ST8SIA4: variants seen among roughly 807,000 people sequenced by gnomAD.
The protein encoded by ST8SIA4 is ST8 alpha-N-acetyl-neuraminide alpha-2,8-sialyltransferase 4, also known as CMP-N-acetylneuraminate-poly-alpha-2,8-sialyltransferase.
Under a neutral mutation model 33.9 loss-of-function variants are expected in ST8SIA4, and 15 were observed. The observed-to-expected ratio is 0.44, with a 90% confidence interval of 0.30 to 0.68. ST8SIA4 has a LOEUF of 0.68. Ranked by LOEUF, ST8SIA4 falls within the 30% of genes least tolerant of loss-of-function variation. The pLI is 0.10. For missense variants in ST8SIA4, 321 were observed against 428.0 expected (o/e 0.75, Z 2.21); for synonymous variants, 171 against 151.2 (o/e 1.13, Z -0.96).
At chr5:100,895,256 A>G (rs1001215126) in intron 2 of ST8SIA4, among the ~76,000 whole-genome samples, 1 of 152,072 alleles carries the variant, frequency 6.6e-6, no homozygotes. Flanking sequence ...TCAGCACAAT[A>G]GAGTGTAATA....
At chr5:100,861,342 G>A (rs963473787) in intron 3 of ST8SIA4, among the ~76,000 whole-genome samples, 3 of 152,066 alleles carry the variant, frequency 2.0e-5, no homozygotes, top group African/African-American at 7.2e-5. Context: ...TAACATTACT[G>A]GCAAGGGTGG....
intron 4 of ST8SIA4, among the ~76,000 whole-genome samples, chr5:100,851,601 T>A (rs1378604863): frequency 6.6e-6 from 1 of 152,090 alleles, no homozygotes; most frequent in East Asian, 1.9e-4. Context: ...GTTGTAGAGC[T>A]ACTACAATAA....
chr5:100,816,539 C>A (rs1257807338), intron 4 of ST8SIA4: 1 of 525,710 alleles, frequency 1.9e-6, no homozygotes, highest in South Asian at 1.4e-5. Flanking sequence ...ATGACAAAAA[C>A]TGCAATTAAT....
At chr5:100,899,805 CAACTGT>C (rs1378823068) in intron 1 of ST8SIA4, among the ~76,000 whole-genome samples, 2 of 152,154 alleles carry the variant, frequency 1.3e-5, no homozygotes, top group African/African-American at 4.8e-5. Context: ...AGTCATAAGC[CAACTGT>C]GAGGTCTACT....
chr5:100,897,926 C>A (rs1752815868), intron 1 of ST8SIA4, among the ~76,000 whole-genome samples: 2 of 152,046 alleles, frequency 1.3e-5, no homozygotes, highest in African/African-American at 4.8e-5. Flanking sequence ...ATGATAATAG[C>A]TACTTATGAA....
At chr5:100,888,613 T>G (rs542163515) in intron 2 of ST8SIA4, among the ~76,000 whole-genome samples, 2 of 152,090 alleles carry the variant, frequency 1.3e-5, no homozygotes, top group South Asian at 4.1e-4. Flanking sequence ...CTCTTATTTT[T>G]TAAGCTCATC....
intron 3 of ST8SIA4, among the ~76,000 whole-genome samples, chr5:100,862,563 A>ATT (rs527553861): frequency 7.0e-6 from 1 of 143,538 alleles, no homozygotes; most frequent in Non-Finnish European, 1.5e-5. Flanking sequence ...CACCCCAGCC[A>ATT]TTTTTTTTTT....
At chr5:100,848,527 G>T (rs2112430500) in intron 4 of ST8SIA4, among the ~76,000 whole-genome samples, 1 of 149,836 alleles carries the variant, frequency 6.7e-6, no homozygotes, top group East Asian at 1.9e-4. Context: ...TAGAGACAGA[G>T]AAACAGCAAG....
At chr5:100,899,668 A>G (rs1172703335) in intron 1 of ST8SIA4, among the ~76,000 whole-genome samples, 1 of 152,236 alleles carries the variant, frequency 6.6e-6, no homozygotes, top group Non-Finnish European at 1.5e-5. Flanking sequence ...TTTATATGAC[A>G]TTAAAGTTTA....
intron 4 of ST8SIA4, among the ~76,000 whole-genome samples, chr5:100,828,073 A>T (rs1001371879): frequency 1.9e-4 from 29 of 152,186 alleles, no homozygotes; most frequent in African/African-American, 6.8e-4. Context: ...GTTCTGGGAC[A>T]TCTCACTAAT....
intron 1 of ST8SIA4, chr5:100,900,511 C>G (rs975329817): frequency 4.8e-5 from 22 of 456,072 alleles, no homozygotes; most frequent in African/African-American, 4.0e-4. Flanking sequence ...ACAAGCTTTT[C>G]CACGAACCTT....
At chr5:100,844,922 A>G (rs1457697661) in intron 4 of ST8SIA4, among the ~76,000 whole-genome samples, 1 of 152,078 alleles carries the variant, frequency 6.6e-6, no homozygotes, top group Non-Finnish European at 1.5e-5. Flanking sequence ...TCTCTTACCA[A>G]TAGGAATCTG....
chr5:100,865,457 G>T (rs1366718632), intron 3 of ST8SIA4, among the ~76,000 whole-genome samples: 2 of 151,988 alleles, frequency 1.3e-5, no homozygotes, highest in Non-Finnish European at 2.9e-5. Flanking sequence ...CTTCTTGCAG[G>T]AGATCAACTA....
chr5:100,879,130 C>G (rs1198532457), intron 3 of ST8SIA4, among the ~76,000 whole-genome samples: 1 of 152,210 alleles, frequency 6.6e-6, no homozygotes, highest in African/African-American at 2.4e-5. Flanking sequence ...TTATCTTTAC[C>G]TTTCTATACT....
chr5:100,821,715 C>G (rs774071862), intron 4 of ST8SIA4, among the ~76,000 whole-genome samples: 5 of 152,074 alleles, frequency 3.3e-5, no homozygotes, highest in African/African-American at 2.4e-5. Context: ...TTCTCAAATC[C>G]CAGCAAATGA....
rs964733942 is a variant in ST8SIA4, at chr5:100,810,244, C to T, written c.*1603G>A. ...ATAATTTCATGTGTTTCTTGAAGAA[C>T]ATATGTGATATTGTGACTAAATTTA... is the stretch of plus-strand genomic sequence containing the variant. On this transcript the variant is annotated 3_prime_UTR_variant, in exon 5 of 5. Coordinates refer to ENST00000231461, the MANE Select transcript of ST8SIA4 (RefSeq NM_005668.6). The T allele has an allele frequency of 1.3e-5, 2 of 152,122 alleles. No individual in the cohort carries two copies. The highest frequency in any genetic ancestry group is 4.8e-5 in the African/African-American group (2 of 41,422). 9.4% of individuals were successfully genotyped at this position (152,122 alleles called of 1,614,324 possible).
intron 3 of ST8SIA4, among the ~76,000 whole-genome samples, chr5:100,872,869 AT>A (rs1458016211): frequency 1.5e-5 from 2 of 132,762 alleles, no homozygotes; most frequent in African/African-American, 6.1e-5. Context: ...TCCTAAAGAT[AT>A]GGGCTAAAAA....
chr5:100,892,501 T>C (rs1225762133), intron 2 of ST8SIA4, among the ~76,000 whole-genome samples: 1 of 152,034 alleles, frequency 6.6e-6, no homozygotes, highest in Non-Finnish European at 1.5e-5. Context: ...GATGAATACA[T>C]ATGAACCGAT....
Position 100,807,708 on chromosome 5 carries a change from T to C in ST8SIA4, c.*4139A>G, listed in dbSNP as rs755975023. On this transcript the variant is annotated 3_prime_UTR_variant, in exon 5 of 5. Coordinates refer to ENST00000231461, the MANE Select transcript of ST8SIA4 (RefSeq NM_005668.6). ...TCAAAAGAACTTCTTTATTCTAAAG[T>C]GGACTTACTTATCTCCAGGGGAGTT... 2 of 152,536 alleles carry C rather than the reference T, an allele frequency of 1.3e-5. No homozygotes were observed. Among genetic ancestry groups the C allele is most frequent in the Admixed American group, 6.5e-5 (1 of 15,268 alleles). The allele number at this position is 152,536 out of a possible 1,614,324, so 9.4% of individuals were successfully genotyped here. A position where few individuals can be genotyped will look rare whatever the true frequency, so the allele number is the denominator to read the frequency against.
Sources: gnomAD v4.1 joint callset for allele counts (sites outside exome capture counted in the v4.1 genomes callset) on GRCh38, gnomAD v4.1.1 for gene constraint, MANE v1.5 for transcripts, NCBI Gene and HGNC (gene_info 2026-07-23, HGNC 2026-07-21) for gene names.